TAFA1: variants seen among roughly 807,000 people sequenced by gnomAD.
The protein encoded by TAFA1 is chemokine-like protein TAFA-1.
Under a neutral mutation model 18.5 loss-of-function variants are expected in TAFA1, and 4 were observed. The ratio of observed to expected loss-of-function variants is 0.22; its 90% CI spans 0.11 to 0.49. TAFA1 has a LOEUF of 0.49. Ranked by LOEUF, TAFA1 falls within the 20% of genes least tolerant of loss-of-function variation. The pLI is 0.98. For synonymous variants in TAFA1, 56 were observed against 55.2 expected, an observed-to-expected ratio of 1.01 and a Z score of -0.06; for missense variants, 147 against 169.0, an observed-to-expected ratio of 0.87 and a Z score of 0.72.
chr3:68,047,223 C>G lies in TAFA1; in HGVS notation c.118+40479C>G, dbSNP rs533478549. Among the ~76,000 whole-genome samples, 4 of 152,322 alleles carry G rather than the reference C, an allele frequency of 2.6e-5. No homozygotes were observed. In the South Asian group the frequency reaches 8.3e-4, roughly 32 times the overall value. ...ATCTTATGTGGCGACAATAGCACATCTTTCAGCTTAGGAAACTTTTATACA... is the reference window on the plus strand; with the variant it reads ...ATCTTATGTGGCGACAATAGCACATGTTTCAGCTTAGGAAACTTTTATACA... On this transcript the variant is annotated intron_variant, in intron 2 of 4. Transcript: ENST00000478136.
At chr3:68,381,329 G>C (rs2069949098) in intron 2 of TAFA1, among the ~76,000 whole-genome samples, 1 of 150,780 alleles carries the variant, frequency 6.6e-6, no homozygotes, top group African/African-American at 2.4e-5. Flanking sequence ...AGCTTGATGG[G>C]GATGGCATTG....
chr3:68,352,684 C>A (rs918897324), intron 2 of TAFA1, among the ~76,000 whole-genome samples: 1 of 151,994 alleles, frequency 6.6e-6, no homozygotes, highest in African/African-American at 2.4e-5. Context: ...ATGACATATT[C>A]TGGTTTCTGT....
intron 3 of TAFA1, among the ~76,000 whole-genome samples, chr3:68,462,733 A>G (rs756726164): frequency 6.6e-6 from 1 of 152,172 alleles, no homozygotes; most frequent in Non-Finnish European, 1.5e-5. Flanking sequence ...CTTACCTAAT[A>G]TGCTGTTTTA....
chr3:68,066,832 C>G (rs763586246), intron 2 of TAFA1, among the ~76,000 whole-genome samples: 1 of 152,076 alleles, frequency 6.6e-6, no homozygotes, highest in Non-Finnish European at 1.5e-5. Context: ...GGAAGATATA[C>G]AAAATAGCTG....
chr3:68,033,157 T>C (rs1052248646), intron 2 of TAFA1, among the ~76,000 whole-genome samples: 1 of 152,198 alleles, frequency 6.6e-6, no homozygotes, highest in Non-Finnish European at 1.5e-5. Context: ...ACATCTCTGG[T>C]AATTTTCCAC....
At chr3:68,414,864 G>T (rs2070780718) in intron 2 of TAFA1, among the ~76,000 whole-genome samples, 1 of 152,176 alleles carries the variant, frequency 6.6e-6, no homozygotes, top group Non-Finnish European at 1.5e-5. Context: ...TGTGCCTTGT[G>T]CCATTTTCAA....
chr3:68,379,210 G>C (rs1017481986), intron 2 of TAFA1, among the ~76,000 whole-genome samples: 7 of 152,200 alleles, frequency 4.6e-5, no homozygotes, highest in Middle Eastern at 3.4e-3. Context: ...ATTCTGATTT[G>C]TGTGAGATGG....
At chr3:68,495,286 T>G (rs1317392642) in intron 3 of TAFA1, among the ~76,000 whole-genome samples, 1 of 152,216 alleles carries the variant, frequency 6.6e-6, no homozygotes, top group Non-Finnish European at 1.5e-5. Context: ...TATAAAGGAA[T>G]GGAATACGAG....
intron 2 of TAFA1, among the ~76,000 whole-genome samples, chr3:68,199,251 T>A (rs1398095020): frequency 2.0e-5 from 3 of 151,628 alleles, no homozygotes; most frequent in African/African-American, 7.2e-5. Context: ...CACACTGTCT[T>A]GGTTACTATA....
chr3:68,032,730 G>A (rs576270226), intron 2 of TAFA1, among the ~76,000 whole-genome samples: 9 of 152,074 alleles, frequency 5.9e-5, no homozygotes, highest in East Asian at 3.9e-4. Flanking sequence ...ACCTCAAGCC[G>A]TTTCTTGTAC....
chr3:68,388,164 G>A (rs1162636633), intron 2 of TAFA1, among the ~76,000 whole-genome samples: 2 of 152,052 alleles, frequency 1.3e-5, no homozygotes, highest in Non-Finnish European at 2.9e-5. Context: ...CGTGGCGGCT[G>A]GAGATATGAA....
intron 2 of TAFA1, among the ~76,000 whole-genome samples, chr3:68,338,039 C>T (rs73099669): frequency 3.3e-5 from 5 of 152,250 alleles, no homozygotes; most frequent in Admixed American, 1.3e-4. Context: ...GGTTGGAGTT[C>T]GTTTAAAGAT....
intron 2 of TAFA1, among the ~76,000 whole-genome samples, chr3:68,161,197 G>T (rs1324539303): frequency 1.3e-5 from 2 of 152,150 alleles, no homozygotes; most frequent in African/African-American, 2.4e-5. Context: ...AAGGTATAAC[G>T]CTATGATATG....
intron 3 of TAFA1, among the ~76,000 whole-genome samples, chr3:68,477,076 C>T (rs2072112558): frequency 6.6e-6 from 1 of 152,136 alleles, no homozygotes; most frequent in Non-Finnish European, 1.5e-5. Context: ...TCAACTGCTG[C>T]ATTCCCCCAA....
At chr3:68,141,299 C>A (rs145895107) in intron 2 of TAFA1, among the ~76,000 whole-genome samples, 7 of 152,288 alleles carry the variant, frequency 4.6e-5, no homozygotes, top group Non-Finnish European at 8.8e-5. Flanking sequence ...ATATACCTCA[C>A]AAGAATCTCC....
At chr3:68,425,169 C>T (rs1024224960) in intron 3 of TAFA1, among the ~76,000 whole-genome samples, 2 of 151,896 alleles carry the variant, frequency 1.3e-5, no homozygotes, top group African/African-American at 4.8e-5. Flanking sequence ...TTTATATTCA[C>T]AAATATTAAA....
At chr3:68,539,969 G>T (rs2073346127) in intron 4 of TAFA1, among the ~76,000 whole-genome samples, 1 of 152,018 alleles carries the variant, frequency 6.6e-6, no homozygotes, top group East Asian at 1.9e-4. Flanking sequence ...ACAAATCCCA[G>T]TATGCTGAAG....
At chr3:68,022,580 G>T (rs1049832027) in intron 2 of TAFA1, among the ~76,000 whole-genome samples, 1 of 151,866 alleles carries the variant, frequency 6.6e-6, no homozygotes, top group Non-Finnish European at 1.5e-5. Context: ...CAAGAGTAAG[G>T]GATGGAATTT....
At chr3:68,267,294 C>T (rs1202677713) in intron 2 of TAFA1, among the ~76,000 whole-genome samples, 3 of 152,200 alleles carry the variant, frequency 2.0e-5, no homozygotes, top group East Asian at 3.8e-4. Flanking sequence ...TGAACCCATA[C>T]TTGTATGCTA....
Sources: gnomAD v4.1 joint callset for allele counts (sites outside exome capture counted in the v4.1 genomes callset) on GRCh38, gnomAD v4.1.1 for gene constraint, MANE v1.5 for transcripts, NCBI Gene and HGNC (gene_info 2026-07-23, HGNC 2026-07-21) for gene names.